SAMTOR: variants seen among roughly 807,000 people sequenced by gnomAD.
SAMTOR encodes the protein UPF0532 protein C7orf60.
the SAMTOR span, among the ~76,000 whole-genome samples, chr7:112,875,437 A>T: frequency 6.6e-6 from 1 of 152,112 alleles, no homozygotes; most frequent in Non-Finnish European, 1.5e-5. Flanking sequence ...CTCTTCTTCT[A>T]AGCTCTCTCC....
chr7:112,920,745 C>T, the SAMTOR span, among the ~76,000 whole-genome samples: 2 of 148,536 alleles, frequency 1.3e-5, no homozygotes, highest in Admixed American at 6.8e-5. Context: ...AAGCAACTTC[C>T]GCAAAGTCTC....
the SAMTOR span, among the ~76,000 whole-genome samples, chr7:112,865,733 C>CATATATATTTCATATATACATATATTT: frequency 7.3e-6 from 1 of 136,164 alleles, no homozygotes; most frequent in African/African-American, 2.9e-5. Context: ...TACATATATT[C>CATATATATTTCATATATACATATATTT]ATATATATTT....
At chr7:112,874,776 A>G in the SAMTOR span, among the ~76,000 whole-genome samples, 1 of 152,186 alleles carries the variant, frequency 6.6e-6, no homozygotes, top group Non-Finnish European at 1.5e-5. Context: ...CATGTTACCT[A>G]GCTAGAAATA....
At chr7:112,848,865 A>G in the SAMTOR span, among the ~76,000 whole-genome samples, 1 of 152,070 alleles carries the variant, frequency 6.6e-6, no homozygotes, top group South Asian at 2.1e-4. Flanking sequence ...CTGATCAACA[A>G]GGTGAAACCC....
the SAMTOR span, among the ~76,000 whole-genome samples, chr7:112,923,960 G>A: frequency 4.6e-5 from 7 of 150,602 alleles, no homozygotes; most frequent in Non-Finnish European, 5.9e-5. Context: ...ACCAAACACC[G>A]CATATTCTCA....
At chr7:112,882,232 T>C in the SAMTOR span, among the ~76,000 whole-genome samples, 45 of 152,180 alleles carry the variant, frequency 3.0e-4, no homozygotes, top group African/African-American at 9.9e-4. Context: ...GGCTTGCCCT[T>C]GGCAGGCATG....
At chr7:112,881,983 G>C in the SAMTOR span, among the ~76,000 whole-genome samples, 1 of 152,212 alleles carries the variant, frequency 6.6e-6, no homozygotes, top group Non-Finnish European at 1.5e-5. Context: ...GGCTCCCTGA[G>C]CCAAGGCTGT....
At chr7:112,838,190 C>G in the SAMTOR span, among the ~76,000 whole-genome samples, 1 of 151,814 alleles carries the variant, frequency 6.6e-6, no homozygotes, top group African/African-American at 2.4e-5. Context: ...AATTTTTTGC[C>G]ACAAGTATTG....
chr7:112,826,891 G>T, the SAMTOR span, among the ~76,000 whole-genome samples: 2 of 152,126 alleles, frequency 1.3e-5, no homozygotes, highest in Non-Finnish European at 2.9e-5. Flanking sequence ...ATTTAGAGGG[G>T]TGCTGAAATC....
the SAMTOR span, among the ~76,000 whole-genome samples, chr7:112,931,027 A>C: frequency 1.3e-5 from 2 of 152,218 alleles, no homozygotes; most frequent in South Asian, 4.1e-4. Context: ...AGTCAAATGC[A>C]GTTATTTAGT....
the SAMTOR span, among the ~76,000 whole-genome samples, chr7:112,824,833 T>C: frequency 1.6e-3 from 239 of 152,354 alleles, no homozygotes; most frequent in African/African-American, 5.7e-3. Flanking sequence ...TTCACTGATA[T>C]TCCTGAACAT....
chr7:112,939,427 T>G, the SAMTOR span: 1 of 1,073,420 alleles, frequency 9.3e-7, no homozygotes, highest in South Asian at 1.6e-5. Flanking sequence ...GCGCGTCTGA[T>G]GCCGACTAGG....
the SAMTOR span, among the ~76,000 whole-genome samples, chr7:112,850,927 T>C: frequency 3.9e-5 from 6 of 152,146 alleles, no homozygotes; most frequent in Non-Finnish European, 7.4e-5. Context: ...TATCCACCAA[T>C]AATGATCTGA....
the SAMTOR span, chr7:112,832,413 A>G: frequency 1.9e-5 from 12 of 615,742 alleles, no homozygotes; most frequent in African/African-American, 2.3e-4. Flanking sequence ...TAAATGCTCA[A>G]TTATTCACAA....
the SAMTOR span, among the ~76,000 whole-genome samples, chr7:112,926,046 G>A: frequency 1.3e-5 from 2 of 152,162 alleles, no homozygotes; most frequent in African/African-American, 4.8e-5. Flanking sequence ...CCCATTAACT[G>A]AGAATTATTA....
At chr7:112,834,754 T>G in the SAMTOR span, among the ~76,000 whole-genome samples, 1 of 152,108 alleles carries the variant, frequency 6.6e-6, no homozygotes. Flanking sequence ...ATCCTCCTCC[T>G]CCTGATGTAC....
chr7:112,833,561 T>TA, the SAMTOR span, among the ~76,000 whole-genome samples: 1 of 152,116 alleles, frequency 6.6e-6, no homozygotes, highest in Non-Finnish European at 1.5e-5. Flanking sequence ...TCTTCCCTAG[T>TA]AAAAGCAGAA....
chr7:112,895,637 C>A, the SAMTOR span: 2 of 1,597,206 alleles, frequency 1.3e-6, no homozygotes, highest in Non-Finnish European at 1.7e-6. Flanking sequence ...AAGACTCATG[C>A]ATATTTAAGG....
chr7:112,868,554 A>G, the SAMTOR span, among the ~76,000 whole-genome samples: 13 of 152,018 alleles, frequency 8.6e-5, no homozygotes, highest in African/African-American at 2.9e-4. Flanking sequence ...GGAAAGGCTA[A>G]GAGATAGTGA....
Sources: gnomAD v4.1 joint callset for allele counts (sites outside exome capture counted in the v4.1 genomes callset) on GRCh38, gnomAD v4.1.1 for gene constraint, MANE v1.5 for transcripts, NCBI Gene and HGNC (gene_info 2026-07-23, HGNC 2026-07-21) for gene names.